ITPR2: variants seen among roughly 807,000 people sequenced by gnomAD.
ITPR2 encodes inositol 1,4,5-trisphosphate receptor type 2, also known as inositol 1,4,5-trisphosphate-gated calcium channel ITPR2.
ITPR2 carries 207 observed loss-of-function variants against 317.1 expected under a neutral mutation model. The ratio of observed to expected loss-of-function variants is 0.65; its 90% CI spans 0.58 to 0.73. The LOEUF (loss-of-function observed/expected upper bound fraction) is 0.73, where lower values mean the gene tolerates loss of function less well. ITPR2 is among the 30% of genes least tolerant of loss of function. The pLI is 0.00. For missense variants in ITPR2, 2,613 were observed against 3,284.0 expected, an observed-to-expected ratio of 0.80 and a Z score of 4.99; for synonymous variants, 1,156 against 1,149.1, an observed-to-expected ratio of 1.01 and a Z score of -0.12.
intron 10 of ITPR2, among the ~76,000 whole-genome samples, chr12:26,687,432 AAGAC>A (rs537165349): frequency 2.0e-5 from 3 of 152,346 alleles, no homozygotes; most frequent in East Asian, 3.9e-4. Context: ...GAGTGGAAGA[AAGAC>A]AGACAGAAAC....
intron 55 of ITPR2, 68 bp from the exon 56 acceptor site, chr12:26,340,396 A>C: frequency 1.4e-6 from 2 of 1,418,502 alleles, no homozygotes. Flanking sequence ...ATAGCTGTTT[A>C]TTATTACTAA....
chr12:26,667,640 A>G (rs1195088743), intron 13 of ITPR2, among the ~76,000 whole-genome samples: 1 of 152,198 alleles, frequency 6.6e-6, no homozygotes. Flanking sequence ...TTTGGAGCGG[A>G]GGTTACTTCA....
chr12:26,527,430 T>C (rs917591715), intron 37 of ITPR2, among the ~76,000 whole-genome samples: 3 of 152,246 alleles, frequency 2.0e-5, no homozygotes, highest in Non-Finnish European at 4.4e-5. Context: ...CCAATCAGTA[T>C]AGTTCTGGTA....
At position 26,654,084 on chromosome 12, in the gene ITPR2, T is replaced by C. The variant is rs1947319851; in HGVS notation, c.2632A>G (p.Ser878Gly). 3 of 1,361,888 alleles carry C rather than the reference T, an allele frequency of 2.2e-6. No individual in the cohort carries two copies. In the African/African-American group the frequency reaches 4.8e-5, roughly 22 times the overall value. The allele number at this position is 1,361,888 out of a possible 1,614,324, so 84.4% of individuals were successfully genotyped here. Residue 878 changes from serine to glycine, a missense_variant, in exon 21 of 57, where the codon AGT (serine) becomes GGT (glycine). Ser to Gly is a moderately conservative substitution (Grantham distance 56, BLOSUM62 0). Transcript: ENST00000381340. The stretch of plus-strand genomic sequence containing the variant: ...GTTAGCCTTAATAACTCACTGAAAC[T>C]ATAAAATCCAAAGTATATAAGATTC... ...ARNLIYFGFYSFSELLRLTRT... is the reference protein window; with the variant it reads ...ARNLIYFGFYGFSELLRLTRT...
intron 41 of ITPR2, among the ~76,000 whole-genome samples, chr12:26,485,697 T>C (rs1284102401): frequency 6.6e-6 from 1 of 152,218 alleles, no homozygotes; most frequent in African/African-American, 2.4e-5. Flanking sequence ...ATATACTCAG[T>C]ACTCTCACTC....
intron 1 of ITPR2, among the ~76,000 whole-genome samples, chr12:26,809,939 T>C (rs1414590986): frequency 6.6e-6 from 1 of 152,224 alleles, no homozygotes; most frequent in Admixed American, 6.5e-5. Context: ...ATAAATTACA[T>C]GGAAAAATAC....
At chr12:26,828,718 C>A (rs527706474) in intron 1 of ITPR2, among the ~76,000 whole-genome samples, 1 of 152,310 alleles carries the variant, frequency 6.6e-6, no homozygotes, top group South Asian at 2.1e-4. Context: ...AAACCACCCA[C>A]ATGTTAATAA....
At chr12:26,660,163 G>A (rs776174222) in intron 15 of ITPR2, among the ~76,000 whole-genome samples, 6 of 152,192 alleles carry the variant, frequency 3.9e-5, no homozygotes, top group Non-Finnish European at 8.8e-5. Flanking sequence ...ACAGAAGGTG[G>A]CCATTGTAGC....
chr12:26,689,294 A>G (rs1237577307), intron 10 of ITPR2, among the ~76,000 whole-genome samples: 1 of 152,084 alleles, frequency 6.6e-6, no homozygotes, highest in Non-Finnish European at 1.5e-5. Context: ...GCACACGCCT[A>G]TGGTCTCAGC....
At chr12:26,609,348 T>C (rs1240255489) in intron 26 of ITPR2, among the ~76,000 whole-genome samples, 1 of 152,194 alleles carries the variant, frequency 6.6e-6, no homozygotes, top group Non-Finnish European at 1.5e-5. Context: ...GGCTCACACC[T>C]GTAATCCCAG....
intron 9 of ITPR2, among the ~76,000 whole-genome samples, chr12:26,697,467 T>G (rs979918210): frequency 6.6e-6 from 1 of 152,138 alleles, no homozygotes. Context: ...AAACATGACC[T>G]CTACATAAAG....
chr12:26,390,111 T>C (rs1939786442), intron 54 of ITPR2, among the ~76,000 whole-genome samples: 1 of 152,160 alleles, frequency 6.6e-6, no homozygotes. Context: ...TAATAATAAG[T>C]GTTGGTGAAG....
At chr12:26,819,858 G>A (rs551804231) in intron 1 of ITPR2, among the ~76,000 whole-genome samples, 53 of 152,076 alleles carry the variant, frequency 3.5e-4, no homozygotes, top group African/African-American at 1.2e-3. Context: ...CTTGAGGCCA[G>A]TAGGTTGAGA....
At chr12:26,359,416 A>G (rs1049402340) in intron 55 of ITPR2, among the ~76,000 whole-genome samples, 10 of 152,192 alleles carry the variant, frequency 6.6e-5, no homozygotes, top group African/African-American at 1.2e-4. Flanking sequence ...TTTAAAAGTC[A>G]GAGGTTTTGG....
At chr12:26,544,629 C>T (rs1216223704) in intron 37 of ITPR2, among the ~76,000 whole-genome samples, 15 of 126,798 alleles carry the variant, frequency 1.2e-4, no homozygotes, top group Admixed American at 7.1e-4. Flanking sequence ...CACACACATA[C>T]ACCACTTCTG....
At chr12:26,664,373 C>CG (rs1383903478) in intron 14 of ITPR2, among the ~76,000 whole-genome samples, 20 of 152,128 alleles carry the variant, frequency 1.3e-4, no homozygotes, top group African/African-American at 4.8e-4. Flanking sequence ...AATCGATGAA[C>CG]ATATCAGCAT....
chr12:26,650,395 T>C (rs952681423), intron 21 of ITPR2, among the ~76,000 whole-genome samples: 2 of 152,162 alleles, frequency 1.3e-5, no homozygotes, highest in African/African-American at 2.4e-5. Context: ...TTTGTCCAAA[T>C]ACATAGAATG....
intron 32 of ITPR2, among the ~76,000 whole-genome samples, chr12:26,585,650 C>T (rs1341892285): frequency 1.3e-5 from 2 of 152,148 alleles, no homozygotes; most frequent in African/African-American, 2.4e-5. Flanking sequence ...AGCAATCCGG[C>T]TGCCTCAGCC....
At chr12:26,540,140 C>G (rs1213724594) in intron 37 of ITPR2, among the ~76,000 whole-genome samples, 1 of 152,198 alleles carries the variant, frequency 6.6e-6, no homozygotes, top group Non-Finnish European at 1.5e-5. Flanking sequence ...GCCTTTTAGG[C>G]ATTCTTTCCC....
Sources: gnomAD v4.1 joint callset for allele counts (sites outside exome capture counted in the v4.1 genomes callset) on GRCh38, gnomAD v4.1.1 for gene constraint, MANE v1.5 for transcripts, NCBI Gene and HGNC (gene_info 2026-07-23, HGNC 2026-07-21) for gene names.